SETD5: variants seen among roughly 807,000 people sequenced by gnomAD.
SETD5 encodes the protein SET domain containing 5, also known as histone-lysine N-methyltransferase SETD5.
A neutral mutation model predicts 153.3 loss-of-function variants in SETD5; 44 were observed. The observed-to-expected ratio is 0.29, with a 90% confidence interval of 0.23 to 0.37. The LOEUF is 0.37. Ranked by LOEUF, SETD5 falls within the 10% of genes least tolerant of loss-of-function variation. The pLI, the probability that SETD5 is intolerant of heterozygous loss-of-function variation, is 1.00. For synonymous variants in SETD5, 716 were observed against 645.2 expected (o/e 1.11, Z -1.66); for missense variants, 1,544 against 1,768.0 (o/e 0.87, Z 2.27).
intron 1 of SETD5, among the ~76,000 whole-genome samples, chr3:9,417,688 T>C (rs536739790): frequency 6.6e-6 from 1 of 151,976 alleles, no homozygotes; most frequent in Non-Finnish European, 1.5e-5. Context: ...GGTTTCACCA[T>C]GTTAGCCAGG....
chr3:9,427,972 CT>C (rs1559386481), intron 2 of SETD5, among the ~76,000 whole-genome samples: 3 of 152,162 alleles, frequency 2.0e-5, no homozygotes, highest in Admixed American at 1.3e-4. Context: ...ATCCTCACCG[CT>C]TTTTCATACA....
intron 1 of SETD5, among the ~76,000 whole-genome samples, chr3:9,422,305 TTC>T (rs374823595): frequency 5.3e-4 from 80 of 152,322 alleles, no homozygotes; most frequent in Non-Finnish European, 1.0e-3. Flanking sequence ...AGATTAGATT[TTC>T]TCTTTTCTCT....
At position 9,470,724 on chromosome 3, in the gene SETD5, A is replaced by G; in HGVS notation, c.2990A>G (p.Asp997Gly). The change falls in exon 19 of 23, where the codon GAT (aspartate) becomes GGT (glycine). Residue 997 changes from aspartate to glycine, a missense_variant. This residue lies in a region of SETD5 where 782 missense variants were observed against 787.2 expected (regional missense o/e 0.99). Transcript: ENST00000402198. ...CCTTTGAATGCTATGCCTCGAGCAG[A>G]TGGACTGTATCGAGGATCTCCTCTA... is the stretch of plus-strand genomic sequence containing the variant. ...YSPLNAMPRA[D>G]GLYRGSPLVG... 1.2e-6 allele frequency: 2 copies of G among 1,614,022 alleles called. No individual in the cohort carries two copies. The highest frequency in any genetic ancestry group is 1.7e-6 in the Non-Finnish European group (2 of 1,179,878).
At chr3:9,417,572 G>A (rs557442874) in intron 1 of SETD5, among the ~76,000 whole-genome samples, 70 of 148,932 alleles carry the variant, frequency 4.7e-4, no homozygotes, top group African/African-American at 1.6e-3. Context: ...TGCGAGCTCC[G>A]CCTCCCGGGT....
intron 1 of SETD5, among the ~76,000 whole-genome samples, 170 bp downstream of exon 1, chr3:9,398,147 C>T (rs1311134776): frequency 2.0e-5 from 3 of 151,662 alleles, no homozygotes; most frequent in Non-Finnish European, 4.4e-5. Context: ...CTTGCACACA[C>T]CGTTGCAACA....
rs368632604 is a variant in SETD5 at position 9,397,651 on chromosome 3, TGCCGCC to T, written c.-473_-468del. The T allele has an allele frequency of 0.065, 10,896 of 168,484 alleles. 485 individuals carry two copies. The highest frequency in any genetic ancestry group is 0.12 in the Admixed American group (1,882 of 15,096). The allele number at this position is 168,484 out of a possible 1,614,324, so 10.4% of individuals were successfully genotyped here. ...CGCTCGGGCAGCGGGCTGAGTGAGC[TGCCGCC>T]GCCGCCGCCGCCGCCGCCGCCGCCG... is the stretch of plus-strand genomic sequence containing the variant. On this transcript the variant is annotated 5_prime_UTR_variant, in exon 1 of 23. Coordinates refer to ENST00000402198, the MANE Select transcript of SETD5 (RefSeq NM_001080517.3).
chr3:9,462,541 C>G (rs1232211837), intron 17 of SETD5, among the ~76,000 whole-genome samples: 1 of 147,122 alleles, frequency 6.8e-6, no homozygotes, highest in East Asian at 2.0e-4. Context: ...GAGCCGAGAT[C>G]GTGCCGCTGC....
In SETD5 at chr3:9,404,417, A is replaced by C. The variant is rs544801108; in HGVS notation, c.-177+6440A>C. On this transcript the variant is annotated intron_variant, in intron 1 of 22. Coordinates refer to ENST00000402198, the MANE Select transcript of SETD5 (RefSeq NM_001080517.3). ...ATTTCGACCAAAAGAAATTTTGAGT[A>C]ATTAATTATTATTGTAATTAGTTGG... Among the ~76,000 whole-genome samples, 3 of 152,304 alleles carry C rather than the reference A, an allele frequency of 2.0e-5. No individual in the cohort carries two copies. The South Asian group carries it at 6.2e-4, about 32-fold the overall frequency.
At position 9,448,550 on chromosome 3, in the gene SETD5, A is replaced by G. The variant is rs2042271539; in HGVS notation, c.2266A>G (p.Ile756Val). The G allele has an allele frequency of 6.2e-7, 1 of 1,613,688 alleles. No individual in the cohort carries two copies. The highest frequency in any genetic ancestry group is 1.3e-5 in the African/African-American group (1 of 74,870). The change falls in exon 16 of 23, where the codon ATT becomes GTT. Residue 756 changes from isoleucine to valine, a missense_variant. By Grantham distance (29) the Ile-to-Val change is conservative. Coordinates refer to ENST00000402198, the MANE Select transcript of SETD5 (RefSeq NM_001080517.3). ...AATTTGCACCACCCCCAAACACTAC[A>G]TTCGCTTTGGCTCACCCTTTATCCC... ...PLICTTPKHYIRFGSPFIPER... is the reference protein window; with the variant it reads ...PLICTTPKHYVRFGSPFIPER...
intron 1 of SETD5, among the ~76,000 whole-genome samples, chr3:9,416,656 A>G (rs2037518068): frequency 6.6e-6 from 1 of 152,220 alleles, no homozygotes; most frequent in South Asian, 2.1e-4. Context: ...TTGCTAAAGA[A>G]TTATGACCTT....
intron 19 of SETD5, among the ~76,000 whole-genome samples, chr3:9,472,898 G>A (rs1244593969): frequency 1.3e-5 from 2 of 152,130 alleles, no homozygotes; most frequent in Non-Finnish European, 2.9e-5. Context: ...AAATAACTGT[G>A]ATAGCATGCT....
intron 1 of SETD5, among the ~76,000 whole-genome samples, chr3:9,420,130 G>A (rs941296117): frequency 6.6e-6 from 1 of 152,174 alleles, no homozygotes; most frequent in Admixed American, 6.5e-5. Flanking sequence ...CAAAGAGTCT[G>A]TGTATTGTTG....
At chr3:9,464,326 C>G in intron 17 of SETD5, 99 bp from the exon 18 acceptor site, 1 of 1,488,102 alleles carries the variant, frequency 6.7e-7, no homozygotes, top group African/African-American at 1.4e-5. Flanking sequence ...AGGCAGAAAA[C>G]AGTTAAGAGC....
intron 16 of SETD5, among the ~76,000 whole-genome samples, chr3:9,452,422 AT>A: frequency 6.6e-6 from 1 of 152,294 alleles, no homozygotes; most frequent in East Asian, 1.9e-4. Context: ...GGTTCTGACA[AT>A]TCATCTTTAC....
chr3:9,426,020 C>G (rs1261469318), intron 2 of SETD5: 1 of 151,858 alleles, frequency 6.6e-6, no homozygotes, highest in Non-Finnish European at 1.5e-5. Flanking sequence ...AGAGTAGTGA[C>G]CAACAGCCCC....
Position 9,447,829 on chromosome 3 carries a change from A to G in SETD5, c.1926A>G (p.Glu642=), listed in dbSNP as rs778733152. The G allele has an allele frequency of 6.2e-7, 1 of 1,614,056 alleles. No homozygotes were observed. Residue 642 remains glutamate (E), a synonymous_variant, in exon 15 of 23, where the codon GAA becomes GAG. Coordinates refer to ENST00000402198, the MANE Select transcript of SETD5 (RefSeq NM_001080517.3). ...AGCAGGCCAATGCACAGCAGGCAGA[A>G]TTGTCACAAGCTGCCTTGGAAGAGG... ...RQKQANAQQA[E]LSQAALEEGG... is the part of the protein sequence containing the mutation.
intron 1 of SETD5, among the ~76,000 whole-genome samples, chr3:9,401,098 A>C (rs2034697570): frequency 6.6e-6 from 1 of 152,254 alleles, no homozygotes; most frequent in African/African-American, 2.4e-5. Flanking sequence ...ACCAAAAAGA[A>C]TGGAAATGAG....
At chr3:9,414,552 T>C (rs1231879330) in intron 1 of SETD5, among the ~76,000 whole-genome samples, 1 of 152,188 alleles carries the variant, frequency 6.6e-6, no homozygotes, top group Non-Finnish European at 1.5e-5. Flanking sequence ...TATCATTCCA[T>C]GTATTTACCA....
intron 16 of SETD5, among the ~76,000 whole-genome samples, chr3:9,451,880 T>G (rs1040406225): frequency 2.0e-5 from 3 of 152,222 alleles, no homozygotes; most frequent in African/African-American, 4.8e-5. Context: ...TGCAATATAT[T>G]TTAATAGAGG....
Sources: gnomAD v4.1 joint callset for allele counts (sites outside exome capture counted in the v4.1 genomes callset) on GRCh38, gnomAD v4.1.1 for gene constraint, gnomAD v4.1.1 regional missense constraint, MANE v1.5 for transcripts, NCBI Gene and HGNC (gene_info 2026-07-23, HGNC 2026-07-21) for gene names.